The following C3orf49 variants were observed in gnomAD, a reference collection of about 807,000 sequenced individuals.
The protein encoded by C3orf49 is putative uncharacterized protein C3orf49.
C3orf49 carries 27 observed loss-of-function variants against 13.3 expected under a neutral mutation model. The observed-to-expected ratio is 2.02, with a 90% CI of 1.49 to 2.79. The LOEUF (loss-of-function observed/expected upper bound fraction) is 2.79. Among genes scored for constraint, C3orf49 ranks in the 30% most tolerant of loss-of-function variants. The pLI, the probability that C3orf49 is intolerant of heterozygous loss-of-function variation, is 0.00. For synonymous variants in C3orf49, 87 were observed against 47.6 expected, an observed-to-expected ratio of 1.83 and a Z score of -3.40; for missense variants, 242 against 134.2, an observed-to-expected ratio of 1.80 and a Z score of -3.97.
chr3:63,826,276 T>G (rs1238449268), intron 2 of C3orf49, among the ~76,000 whole-genome samples: 3 of 151,938 alleles, frequency 2.0e-5, no homozygotes, highest in Admixed American at 1.3e-4. Context: ...GTAGACTGGA[T>G]TGGATGAGGG....
At chr3:63,787,778 T>A in the C3orf49 span, among the ~76,000 whole-genome samples, 1 of 152,112 alleles carries the variant, frequency 6.6e-6, no homozygotes, top group East Asian at 1.9e-4. Context: ...AATGATGCCA[T>A]CAACTGGTGA....
At chr3:63,810,726 T>G in the C3orf49 span, among the ~76,000 whole-genome samples, 1 of 152,224 alleles carries the variant, frequency 6.6e-6, no homozygotes, top group Admixed American at 6.5e-5. Flanking sequence ...GCTGAGAAAC[T>G]TGGGAATAAT....
intron 5 of C3orf49, among the ~76,000 whole-genome samples, chr3:63,836,812 T>A (rs556413393): frequency 1.3e-5 from 2 of 152,044 alleles, no homozygotes; most frequent in East Asian, 3.9e-4. Flanking sequence ...TTTCAGAAAC[T>A]TGCAAATAAC....
the C3orf49 span, among the ~76,000 whole-genome samples, chr3:63,800,152 T>C: frequency 6.6e-6 from 1 of 152,174 alleles, no homozygotes; most frequent in Admixed American, 6.6e-5. Context: ...AATGACTTGA[T>C]TGCCTCCATG....
intron 6 of C3orf49, among the ~76,000 whole-genome samples, chr3:63,847,258 G>GA (rs1271123255): frequency 6.6e-6 from 1 of 152,118 alleles, no homozygotes; most frequent in African/African-American, 2.4e-5. Flanking sequence ...AATTTTGGTT[G>GA]AAAAATAACC....
chr3:63,831,070 G>T (rs1269470343), intron 3 of C3orf49, 40 bp from the exon 4 acceptor site: 1 of 685,330 alleles, frequency 1.5e-6, no homozygotes, highest in Non-Finnish European at 2.6e-6. Context: ...AAATAATGTT[G>T]GTAGTTCCTA....
At position 63,827,622 on chromosome 3, in the gene C3orf49, T is replaced by C. The variant is rs1701481351; in HGVS notation, c.467T>C (p.Val156Ala). The change falls in exon 3 of 7, where the codon GTA (valine) becomes GCA (alanine). Residue 156 changes from valine to alanine, a missense_variant. Val to Ala is a moderately conservative substitution (Grantham distance 64). Coordinates refer to ENST00000295896, the MANE Select transcript of C3orf49 (RefSeq NM_001355236.2). ...SENATIQLDV[V>A]EAETEEITQG... ...GAAGCGACTATACAACTTGATGTTGTAGAGGCAGAGACAGAGGAGATAACC... is the reference window on the plus strand; with the variant it reads ...GAAGCGACTATACAACTTGATGTTGCAGAGGCAGAGACAGAGGAGATAACC... 7.1e-6 allele frequency: 5 copies of C among 703,256 alleles called. No individual in the cohort carries two copies. Among genetic ancestry groups the C allele is most frequent in the Non-Finnish European group, 1.3e-5 (5 of 385,030 alleles). 43.6% of individuals were successfully genotyped at this position (703,256 alleles called of 1,614,324 possible).
chr3:63,804,047 G>C, the C3orf49 span, among the ~76,000 whole-genome samples: 2 of 151,910 alleles, frequency 1.3e-5, no homozygotes, highest in Non-Finnish European at 2.9e-5. Context: ...TAGGGTTCAC[G>C]CTCCTATGAG....
chr3:63,780,740 T>G, the C3orf49 span, among the ~76,000 whole-genome samples: 1 of 152,236 alleles, frequency 6.6e-6, no homozygotes, highest in Non-Finnish European at 1.5e-5. Flanking sequence ...TGGTGGCCAG[T>G]GATGATGAGC....
At chr3:63,804,451 T>A in the C3orf49 span, among the ~76,000 whole-genome samples, 2 of 152,104 alleles carry the variant, frequency 1.3e-5, no homozygotes, top group Non-Finnish European at 2.9e-5. Context: ...GATCCTTCAG[T>A]CTTCTCTTTT....
the C3orf49 span, among the ~76,000 whole-genome samples, chr3:63,811,351 G>T: frequency 6.6e-6 from 1 of 151,992 alleles, no homozygotes; most frequent in Non-Finnish European, 1.5e-5. Flanking sequence ...GAGGTCAGGA[G>T]ATCAAGACCA....
chr3:63,780,232 C>T, the C3orf49 span, among the ~76,000 whole-genome samples: 126 of 152,198 alleles, frequency 8.3e-4, 1 homozygote, highest in Non-Finnish European at 8.4e-4. Context: ...TGAGTGAGAA[C>T]ATGCGCTGTT....
At chr3:63,796,611 G>A in the C3orf49 span, among the ~76,000 whole-genome samples, 162 of 152,230 alleles carry the variant, frequency 1.1e-3, no homozygotes, top group African/African-American at 3.8e-3. Context: ...ACTAATCTAA[G>A]TGTAGCTTCA....
chr3:63,793,371 G>A, the C3orf49 span, among the ~76,000 whole-genome samples: 5 of 151,952 alleles, frequency 3.3e-5, no homozygotes, highest in Middle Eastern at 3.2e-3. Flanking sequence ...CTTTCAATAT[G>A]TCCTCAAAAA....
chr3:63,810,360 C>T, the C3orf49 span, among the ~76,000 whole-genome samples: 1 of 152,172 alleles, frequency 6.6e-6, no homozygotes. Flanking sequence ...AAATTGGGAA[C>T]TTTCATCTGT....
the C3orf49 span, among the ~76,000 whole-genome samples, chr3:63,785,490 G>T: frequency 6.6e-6 from 1 of 152,116 alleles, no homozygotes; most frequent in African/African-American, 2.4e-5. Context: ...AGGTTTAAAG[G>T]TCCATTTCCT....
At chr3:63,796,200 C>T in the C3orf49 span, among the ~76,000 whole-genome samples, 1 of 152,048 alleles carries the variant, frequency 6.6e-6, no homozygotes, top group Non-Finnish European at 1.5e-5. Context: ...CTCATCACCC[C>T]AACTGCCCCC....
chr3:63,837,131 A>G (rs1701651877), intron 5 of C3orf49, among the ~76,000 whole-genome samples: 1 of 151,978 alleles, frequency 6.6e-6, no homozygotes, highest in African/African-American at 2.4e-5. Flanking sequence ...TTTAGAACTG[A>G]GCATATTAAT....
intron 5 of C3orf49, chr3:63,839,544 C>G: frequency 3.4e-6 from 3 of 871,588 alleles, no homozygotes; most frequent in Non-Finnish European, 5.7e-6. Context: ...TAAGAGTTGA[C>G]TCCACTGTAC....
Sources: gnomAD v4.1 joint callset for allele counts (sites outside exome capture counted in the v4.1 genomes callset) on GRCh38, gnomAD v4.1.1 for gene constraint, MANE v1.5 for transcripts, NCBI Gene and HGNC (gene_info 2026-07-23, HGNC 2026-07-21) for gene names.